Variants in CBLC observed in about 807,000 individuals in gnomAD.
CBLC encodes Cbl proto-oncogene C, also known as E3 ubiquitin-protein ligase CBL-C.
In CBLC, 46 loss-of-function variants were observed where a neutral mutation model predicts 58.6. The observed-to-expected ratio is 0.79, with a 90% CI of 0.62 to 1.00. The LOEUF is 1.00. Among genes scored for constraint, CBLC ranks in the 50% least tolerant of loss-of-function variants. CBLC has a pLI of 0.00. For missense variants in CBLC, 655 were observed against 625.8 expected (o/e 1.05, Z -0.50); for synonymous variants, 271 against 264.2 (o/e 1.03, Z -0.25).
intron 7 of CBLC, among the ~76,000 whole-genome samples, chr19:44,793,257 C>A (rs1013879640): frequency 7.2e-5 from 11 of 152,142 alleles, no homozygotes; most frequent in African/African-American, 2.7e-4. Flanking sequence ...CTGTGTGCCC[C>A]CTCCTGACCT....
At position 44,782,604 on chromosome 19, in the gene CBLC, A is replaced by G; in HGVS notation, c.779+113A>G. The G allele has an allele frequency of 9.8e-6, 8 of 815,670 alleles. No homozygotes were observed. In the South Asian group the frequency reaches 1.4e-4, roughly 14 times the overall value. The allele number at this position is 815,670 out of a possible 1,614,324, so 50.5% of individuals were successfully genotyped here. On this transcript the variant is annotated intron_variant, in intron 4 of 10. Transcript: ENST00000647358. ...TCCAAGAGTGGGAACAGAGGTACCC[A>G]GGACCCCAGAGAGTTGATAACTCAG...
chr19:44,784,950 GTTTTTTTTTTTTTTTTTTTTT>G (rs58171575), intron 5 of CBLC, among the ~76,000 whole-genome samples: 23 of 34,354 alleles, frequency 6.7e-4, no homozygotes, highest in South Asian at 1.2e-3. Flanking sequence ...CTAGACAGGT[GTTTTTTTTTTTTTTTTTTTTT>G]TTTTTTTTTT....
Position 44,794,300 on chromosome 19 carries a change from T to G in CBLC, c.1362+19T>G, listed in dbSNP as rs1968133922. 1.2e-6 allele frequency: 2 copies of G among 1,611,032 alleles called. No homozygotes were observed. The highest frequency in any genetic ancestry group is 1.7e-6 in the Non-Finnish European group (2 of 1,178,300). On this transcript the variant is annotated intron_variant, in intron 9 of 10. Coordinates refer to ENST00000647358, the MANE Select transcript of CBLC (RefSeq NM_012116.4). ...GAAAGTGGTGAGTCAGGCGCTGGTC[T>G]GAGGTTGGGGGCTGGGGTCTCACTC...
intron 5 of CBLC, among the ~76,000 whole-genome samples, chr19:44,786,770 A>T (rs1967920237): frequency 6.6e-6 from 1 of 152,070 alleles, no homozygotes; most frequent in East Asian, 1.9e-4. Flanking sequence ...ACTTAGGAAC[A>T]GGAGACAACA....
At chr19:44,784,950 GTTTTTTTTTTTTTTTTTTTTTT>G (rs58171575) in intron 5 of CBLC, among the ~76,000 whole-genome samples, 33 of 34,370 alleles carry the variant, frequency 9.6e-4, no homozygotes, top group South Asian at 2.3e-3. Flanking sequence ...CTAGACAGGT[GTTTTTTTTTTTTTTTTTTTTTT>G]TTTTTTTTTT....
rs1968005660 is a variant in CBLC at position 44,790,022 on chromosome 19, A to G, written c.936A>G (p.Gly312=). Residue 312 remains glycine, a synonymous_variant, in exon 6 of 11, where the codon GGA becomes GGG. Coordinates refer to ENST00000647358, the MANE Select transcript of CBLC (RefSeq NM_012116.4). ...CCCCCAGCTACCTCTACCCAGATGG[A>G]AAGACCCACAACCCAGACCTGACTG... The part of the protein sequence containing the change: ...QKDGFYLYPD[G]KTHNPDLTEL... The G allele has an allele frequency of 6.2e-7, 1 of 1,613,504 alleles. No individual in the cohort carries two copies. The highest frequency in any genetic ancestry group is 8.5e-7 in the Non-Finnish European group (1 of 1,179,700).
chr19:44,792,360 T>C (rs1968074783), intron 6 of CBLC, 23 bp from the exon 7 acceptor site: 1 of 1,612,334 alleles, frequency 6.2e-7, no homozygotes, highest in Non-Finnish European at 8.5e-7. Flanking sequence ...CCTCGCTGTC[T>C]TCTCTATCCT....
chr19:44,796,485 G>T (rs1056998582), intron 9 of CBLC, among the ~76,000 whole-genome samples: 9 of 151,990 alleles, frequency 5.9e-5, no homozygotes, highest in Non-Finnish European at 1.3e-4. Context: ...TGGGGTTCAA[G>T]CTAATTCTCC....
rs987195006 is a variant in CBLC at position 44,786,073 on chromosome 19, T to A, written c.917+1672T>A. 3.9e-5 allele frequency among the ~76,000 whole-genome samples: 6 copies of A among 152,044 alleles called. 1 individual carries two copies. The highest frequency in any genetic ancestry group is 3.9e-4 in the Admixed American group (6 of 15,230). ...CCTCACCCTCCCACAGTGCTCAGAT[T>A]ACAGGTGTGAACCACACGCCTGGCC... On this transcript the variant is annotated intron_variant, in intron 5 of 10. Coordinates refer to ENST00000647358, the MANE Select transcript of CBLC (RefSeq NM_012116.4).
intron 5 of CBLC, among the ~76,000 whole-genome samples, chr19:44,784,692 C>T (rs1306231952): frequency 2.6e-5 from 4 of 152,144 alleles, no homozygotes; most frequent in African/African-American, 9.7e-5. Flanking sequence ...TGGAACTGAG[C>T]TCAAGAGCGT....
intron 1 of CBLC, 57 bp downstream of exon 1, chr19:44,778,341 G>A (rs1599854158): frequency 1.5e-6 from 2 of 1,317,404 alleles, no homozygotes; most frequent in South Asian, 2.1e-5. Flanking sequence ...CTTGCTCCCA[G>A]CCCCTCCTCC....
intron 5 of CBLC, among the ~76,000 whole-genome samples, chr19:44,786,590 G>A (rs1334227748): frequency 2.7e-5 from 4 of 147,426 alleles, no homozygotes; most frequent in South Asian, 2.1e-4. Flanking sequence ...GCAAGACTCC[G>A]TCTCAGAAAA....
chr19:44,780,523 A>G (rs1480555331), intron 1 of CBLC, among the ~76,000 whole-genome samples: 1 of 134,034 alleles, frequency 7.5e-6, no homozygotes, highest in Non-Finnish European at 1.5e-5. Flanking sequence ...TCCAGGCTGG[A>G]GTGCAGTGGC....
At chr19:44,780,783 C>T (rs961695011) in intron 1 of CBLC, 122 bp from the exon 2 acceptor site, 1 of 1,067,976 alleles carries the variant, frequency 9.4e-7, no homozygotes, top group African/African-American at 1.6e-5. Flanking sequence ...GGAATGGACT[C>T]TTACCTTACA....
intron 4 of CBLC, among the ~76,000 whole-genome samples, chr19:44,782,761 C>G (rs563940549): frequency 1.3e-5 from 2 of 152,288 alleles, no homozygotes; most frequent in Admixed American, 1.3e-4. Context: ...GGGTAAGGTC[C>G]GTTTCTGGTA....
chr19:44,797,754 CAA>C (rs113914212), intron 9 of CBLC, among the ~76,000 whole-genome samples: 8 of 139,454 alleles, frequency 5.7e-5, no homozygotes, highest in African/African-American at 1.0e-4. Flanking sequence ...GACTCCATCT[CAA>C]AAAAAAAAAA....
chr19:44,780,566 G>A (rs997382516), intron 1 of CBLC, among the ~76,000 whole-genome samples: 7 of 142,112 alleles, frequency 4.9e-5, no homozygotes, highest in Admixed American at 2.3e-4. Context: ...TCTGCCTCCC[G>A]GGCTCCAGCG....
intron 9 of CBLC, among the ~76,000 whole-genome samples, chr19:44,800,164 A>G (rs1171074218): frequency 6.6e-6 from 1 of 152,126 alleles, no homozygotes; most frequent in African/African-American, 2.4e-5. Context: ...ACATTTCTTC[A>G]TCTCCTCCCC....
chr19:44,786,264 C>T (rs192602580), intron 5 of CBLC, among the ~76,000 whole-genome samples: 82 of 151,926 alleles, frequency 5.4e-4, no homozygotes, highest in African/African-American at 2.0e-3. Context: ...CCAGTCACAA[C>T]ATAGTAACCT....
Sources: gnomAD v4.1 joint callset for allele counts (sites outside exome capture counted in the v4.1 genomes callset) on GRCh38, gnomAD v4.1.1 for gene constraint, MANE v1.5 for transcripts, NCBI Gene and HGNC (gene_info 2026-07-23, HGNC 2026-07-21) for gene names.